The following CAMKMT variants were observed in gnomAD, a reference collection of about 807,000 sequenced individuals.
CAMKMT encodes the protein CaM KMT.
Under a neutral mutation model 48.0 loss-of-function variants are expected in CAMKMT, and 53 were observed. The observed-to-expected ratio is 1.10, with a 90% CI of 0.89 to 1.39. CAMKMT has a LOEUF of 1.39. Among genes scored for constraint, CAMKMT ranks in the 40% most tolerant of loss-of-function variants. CAMKMT has a pLI of 0.00. For missense variants in CAMKMT, 428 were observed against 402.7 expected (o/e 1.06, Z -0.54); for synonymous variants, 165 against 152.3 (o/e 1.08, Z -0.61).
intron 3 of CAMKMT, among the ~76,000 whole-genome samples, chr2:44,661,036 A>G (rs1268265778): frequency 6.6e-6 from 1 of 152,162 alleles, no homozygotes; most frequent in Non-Finnish European, 1.5e-5. Context: ...TTACCCTTCC[A>G]ATCTATAGTG....
intron 3 of CAMKMT, among the ~76,000 whole-genome samples, chr2:44,440,195 TCCCATGATTCTAGTGCAG>T (rs1666560313): frequency 1.3e-5 from 2 of 152,200 alleles, no homozygotes; most frequent in East Asian, 3.8e-4. Flanking sequence ...CATCCTCTAG[TCCCATGATTCTAGTGCAG>T]CCCATGATTT....
At chr2:44,633,230 A>G (rs1256759078) in intron 3 of CAMKMT, among the ~76,000 whole-genome samples, 3 of 152,086 alleles carry the variant, frequency 2.0e-5, no homozygotes, top group African/African-American at 4.8e-5. Context: ...ACTGGTTTTT[A>G]GTAATTTGAT....
intron 3 of CAMKMT, among the ~76,000 whole-genome samples, chr2:44,695,387 A>G (rs1037157563): frequency 6.6e-6 from 1 of 152,108 alleles, no homozygotes; most frequent in Admixed American, 6.5e-5. Context: ...CACCTTTCCA[A>G]TGAATTTCTC....
intron 3 of CAMKMT, among the ~76,000 whole-genome samples, chr2:44,525,022 A>G (rs1030504851): frequency 2.6e-5 from 4 of 152,156 alleles, no homozygotes; most frequent in Non-Finnish European, 5.9e-5. Flanking sequence ...TTTTCATTAA[A>G]TATTCATTTA....
chr2:44,665,668 C>T (rs1311954431), intron 3 of CAMKMT, among the ~76,000 whole-genome samples: 1 of 152,174 alleles, frequency 6.6e-6, no homozygotes, highest in Non-Finnish European at 1.5e-5. Context: ...GCCCTATAAG[C>T]ATACCAAAGG....
intron 3 of CAMKMT, among the ~76,000 whole-genome samples, chr2:44,420,851 A>AT (rs1247558792): frequency 2.0e-5 from 3 of 150,824 alleles, no homozygotes; most frequent in East Asian, 3.9e-4. Flanking sequence ...CCCTTGGGTA[A>AT]TTTTTTTTAA....
chr2:44,424,921 A>T (rs1684182351), intron 3 of CAMKMT, among the ~76,000 whole-genome samples: 1 of 152,220 alleles, frequency 6.6e-6, no homozygotes, highest in Non-Finnish European at 1.5e-5. Context: ...GAAATAAAAA[A>T]ATTAGAAAAA....
intron 3 of CAMKMT, among the ~76,000 whole-genome samples, chr2:44,562,923 C>G (rs1209167584): frequency 6.6e-6 from 1 of 152,146 alleles, no homozygotes; most frequent in Non-Finnish European, 1.5e-5. Flanking sequence ...ACCTTACTCT[C>G]TCAGTACTGG....
At chr2:44,591,185 T>C (rs1346789261) in intron 3 of CAMKMT, among the ~76,000 whole-genome samples, 7 of 149,184 alleles carry the variant, frequency 4.7e-5, no homozygotes, top group Admixed American at 2.7e-4. Flanking sequence ...AGTCAGGTAG[T>C]GTGATGCCTC....
At chr2:44,388,912 TG>T (rs1208987911) in intron 2 of CAMKMT, among the ~76,000 whole-genome samples, 1 of 151,692 alleles carries the variant, frequency 6.6e-6, no homozygotes, top group Non-Finnish European at 1.5e-5. Flanking sequence ...GGTGGCGGGG[TG>T]GGGGGTACAA....
chr2:44,475,724 CTATTT>C (rs1331307953), intron 3 of CAMKMT, among the ~76,000 whole-genome samples: 1 of 152,128 alleles, frequency 6.6e-6, no homozygotes, highest in Non-Finnish European at 1.5e-5. Context: ...GGATACCTCA[CTATTT>C]TAAAGAGAAA....
Position 44,441,262 on chromosome 2 carries a change from A to G in CAMKMT, c.376+50957A>G, listed in dbSNP as rs112157984. Among the ~76,000 whole-genome samples, 346 of 152,262 alleles carry G rather than the reference A, an allele frequency of 2.3e-3. No homozygotes were observed. The Middle Eastern group carries it at 0.027, about 12-fold the overall frequency. ...TGGAAAATAGTTATTCCTTCCCTACATCATGAGTTTTCAGGATTAAAAGGT... is the reference window on the plus strand; with the variant it reads ...TGGAAAATAGTTATTCCTTCCCTACGTCATGAGTTTTCAGGATTAAAAGGT... On this transcript the variant is annotated intron_variant, in intron 3 of 10. Coordinates refer to ENST00000378494, the MANE Select transcript of CAMKMT (RefSeq NM_024766.5).
chr2:44,620,615 C>G (rs561230918), intron 3 of CAMKMT, among the ~76,000 whole-genome samples: 5 of 152,318 alleles, frequency 3.3e-5, no homozygotes, highest in African/African-American at 9.6e-5. Context: ...TGGCCTCTAG[C>G]CAATTTCATC....
intron 3 of CAMKMT, among the ~76,000 whole-genome samples, chr2:44,430,810 A>G (rs990270013): frequency 1.3e-5 from 2 of 152,190 alleles, no homozygotes; most frequent in Non-Finnish European, 2.9e-5. Flanking sequence ...ATTGGGTGGC[A>G]AATGTAGCAT....
At chr2:44,419,389 C>T (rs1683775857) in intron 3 of CAMKMT, among the ~76,000 whole-genome samples, 1 of 152,178 alleles carries the variant, frequency 6.6e-6, no homozygotes, top group South Asian at 2.1e-4. Flanking sequence ...GCTTCCTGAT[C>T]CCTAAATCTC....
At chr2:44,431,188 G>A (rs1371609350) in intron 3 of CAMKMT, among the ~76,000 whole-genome samples, 2 of 152,038 alleles carry the variant, frequency 1.3e-5, no homozygotes, top group African/African-American at 4.8e-5. Context: ...TCTACCTGAA[G>A]ATATTATAAA....
intron 1 of CAMKMT, among the ~76,000 whole-genome samples, chr2:44,372,408 C>T (rs1679265811): frequency 6.6e-6 from 1 of 151,608 alleles, no homozygotes; most frequent in African/African-American, 2.4e-5. Context: ...TCGCCTGAAC[C>T]CAGCTGGGTG....
At position 44,636,001 on chromosome 2, in the gene CAMKMT, G is replaced by A. The variant is rs144108252; in HGVS notation, c.377-68282G>A. Among the ~76,000 whole-genome samples the A allele has an allele frequency of 5.3e-3, 813 of 152,248 alleles. 8 individuals carry two copies. Among genetic ancestry groups the A allele is most frequent in the African/African-American group, 0.019 (770 of 41,542 alleles). ...GTGTCAGTTTTCATACATAGGCCAT[G>A]CTTTTTTATATTAGAAAAACACAAA... On this transcript the variant is annotated intron_variant, in intron 3 of 10. Coordinates refer to ENST00000378494, the MANE Select transcript of CAMKMT (RefSeq NM_024766.5).
intron 3 of CAMKMT, among the ~76,000 whole-genome samples, chr2:44,601,934 T>C (rs899798754): frequency 2.4e-4 from 36 of 152,104 alleles, no homozygotes; most frequent in African/African-American, 8.5e-4. Flanking sequence ...ATCTGTACTT[T>C]TTAAGTTGTG....
Sources: gnomAD v4.1 joint callset for allele counts (sites outside exome capture counted in the v4.1 genomes callset) on GRCh38, gnomAD v4.1.1 for gene constraint, MANE v1.5 for transcripts, NCBI Gene and HGNC (gene_info 2026-07-23, HGNC 2026-07-21) for gene names.